Variants in SLC10A4 observed in about 807,000 individuals in gnomAD.
SLC10A4 encodes the protein solute carrier family 10 member 4, also known as putative sodium/bile acid cotransporter 4.
Under a neutral mutation model 22.5 loss-of-function variants are expected in SLC10A4, and 17 were observed. The ratio of observed to expected loss-of-function variants is 0.76; its 90% CI spans 0.52 to 1.14. SLC10A4 has a LOEUF of 1.14. Among genes scored for constraint, SLC10A4 ranks in the 50% most tolerant of loss-of-function variants. The pLI, the probability that SLC10A4 is intolerant of heterozygous loss-of-function variation, is 0.00. For synonymous variants in SLC10A4, 257 were observed against 258.2 expected, an observed-to-expected ratio of 1.00 and a Z score of 0.04; for missense variants, 548 against 584.0, an observed-to-expected ratio of 0.94 and a Z score of 0.64.
intron 2 of SLC10A4, among the ~76,000 whole-genome samples, chr4:48,487,729 G>T (rs1283028038): frequency 1.5e-5 from 2 of 137,440 alleles, no homozygotes; most frequent in African/African-American, 5.4e-5. Flanking sequence ...CAGTTTTTAA[G>T]CTTTTGAAGA....
At chr4:48,487,303 A>G (rs1169015630) in intron 2 of SLC10A4, among the ~76,000 whole-genome samples, 2 of 152,234 alleles carry the variant, frequency 1.3e-5, no homozygotes, top group Non-Finnish European at 2.9e-5. Context: ...GCCAAATTGC[A>G]AAGAATTCTT....
intron 2 of SLC10A4, among the ~76,000 whole-genome samples, chr4:48,487,439 T>C (rs1312577621): frequency 4.6e-5 from 7 of 152,244 alleles, no homozygotes; most frequent in Admixed American, 6.5e-5. Flanking sequence ...TTCAGACATT[T>C]TAATCAAGTT....
chr4:48,485,744 C>T (rs945922055), intron 2 of SLC10A4, among the ~76,000 whole-genome samples: 1 of 152,052 alleles, frequency 6.6e-6, no homozygotes, highest in Non-Finnish European at 1.5e-5. Context: ...GTTATGTTGA[C>T]CTTACTAAAT....
In SLC10A4 at chr4:48,483,407, C is replaced by G; in HGVS notation, c.-155C>G. On this transcript the variant is annotated 5_prime_UTR_variant, in exon 1 of 3. Transcript: ENST00000273861. This position sits in a 1 kb window ranked among gnomAD's most constrained non-coding sequence, Gnocchi z 5.4. ...CGGCTGCAGACCTGGGAGCGGAGACCGGCCCGCCGCCCCCGACGCCGCCGA... is the reference window on the plus strand; with the variant it reads ...CGGCTGCAGACCTGGGAGCGGAGACGGGCCCGCCGCCCCCGACGCCGCCGA... The G allele has an allele frequency of 2.1e-6, 1 of 466,740 alleles. No individual in the cohort carries two copies. The highest frequency in any genetic ancestry group is 6.4e-5 in the South Asian group (1 of 15,658). The allele number at this position is 466,740 out of a possible 1,614,324, so 28.9% of individuals were successfully genotyped here.
In SLC10A4 at chr4:48,483,560, C is replaced by A; in HGVS notation, c.-2C>A. On this transcript the variant is annotated 5_prime_UTR_variant, in exon 1 of 3. Transcript: ENST00000273861. This position sits in a 1 kb window ranked among gnomAD's most constrained non-coding sequence, Gnocchi z 5.4. ...ACCGGAATCCGCAGCTCCGGCCGCGCCATGGACGGCAACGACAACGTGACC... is the reference window on the plus strand; with the variant it reads ...ACCGGAATCCGCAGCTCCGGCCGCGACATGGACGGCAACGACAACGTGACC... The A allele has an allele frequency of 6.7e-7, 1 of 1,499,620 alleles. No homozygotes were observed. The highest frequency in any genetic ancestry group is 8.9e-7 in the Non-Finnish European group (1 of 1,128,900). The allele number at this position is 1,499,620 out of a possible 1,614,324, so 92.9% of individuals were successfully genotyped here.
rs1349588063 is a variant in SLC10A4, at chr4:48,483,474, C to G, written c.-88C>G. 8.8e-7 allele frequency: 1 copy of G among 1,134,212 alleles called. No individual in the cohort carries two copies. Among genetic ancestry groups the G allele is most frequent in the Non-Finnish European group, 1.2e-6 (1 of 845,666 alleles). The allele number at this position is 1,134,212 out of a possible 1,614,324, so 70.3% of individuals were successfully genotyped here. ...CAGCCGGGGCTCGGAGACCGACGGG[C>G]AGAACGACGGGCGGCGACTGCGGCG... On this transcript the variant is annotated 5_prime_UTR_variant, in exon 1 of 3. Coordinates refer to ENST00000273861, the MANE Select transcript of SLC10A4 (RefSeq NM_152679.4). This position sits in a 1 kb window ranked among gnomAD's most constrained non-coding sequence, Gnocchi z 5.4.
chr4:48,486,866 T>A (rs1305224530), intron 2 of SLC10A4, among the ~76,000 whole-genome samples: 2 of 152,174 alleles, frequency 1.3e-5, no homozygotes, highest in Admixed American at 1.3e-4. Flanking sequence ...TATTGCAGCA[T>A]CCTCTAGGGT....
rs994361282 is a variant in SLC10A4, at chr4:48,489,463, A to G, written c.*524A>G. On this transcript the variant is annotated 3_prime_UTR_variant, in exon 3 of 3. Transcript: ENST00000273861. ...ACCAGTATCAGAGAAAAGTTACATT[A>G]ATGTATTTGATTACTTGATCTGGTA... Among the ~76,000 whole-genome samples, 17 of 152,384 alleles carry G rather than the reference A, an allele frequency of 1.1e-4. No homozygotes were observed. Among genetic ancestry groups the G allele is most frequent in the Middle Eastern group, 3.4e-3 (1 of 294 alleles).
At position 48,489,034 on chromosome 4, in the gene SLC10A4, G is replaced by A. The variant is rs1577769869; in HGVS notation, c.*95G>A. ...CATGGTTAACATAAAAGATAACACT[G>A]GTTCACATCATACATGTAACAATTC... On this transcript the variant is annotated 3_prime_UTR_variant, in exon 3 of 3. Coordinates refer to ENST00000273861, the MANE Select transcript of SLC10A4 (RefSeq NM_152679.4). The A allele has an allele frequency of 7.4e-7, 1 of 1,346,406 alleles. No homozygotes were observed. Among genetic ancestry groups the A allele is most frequent in the Non-Finnish European group, 1.0e-6 (1 of 986,558 alleles). 83.4% of individuals were successfully genotyped at this position (1,346,406 alleles called of 1,614,324 possible). A position where few individuals can be genotyped will look rare whatever the true frequency, so the allele number is the denominator to read the frequency against.
intron 1 of SLC10A4, among the ~76,000 whole-genome samples, 192 bp from the exon 2 acceptor site, chr4:48,484,740 T>A (rs1718250429): frequency 6.6e-6 from 1 of 152,066 alleles, no homozygotes. Flanking sequence ...CCTCCCTGCC[T>A]TGGGTTCATA....
At chr4:48,484,273 A>G (rs1577767214) in intron 1 of SLC10A4, 122 bp downstream of exon 1, 2 of 1,035,002 alleles carry the variant, frequency 1.9e-6, no homozygotes, top group South Asian at 2.0e-5. Flanking sequence ...GAAGGAGGAG[A>G]AAAGGAGAGG....
rs1359995519 is a variant in SLC10A4, at chr4:48,484,044, C to A, written c.483C>A (p.Phe161Leu). Residue 161 changes from phenylalanine to leucine, a missense_variant, in exon 1 of 3, where the codon TTC (phenylalanine) becomes TTA (leucine). Transcript: ENST00000273861. ...TGGCCTTCCTGCTGGCCCTCGCCTTCAAGCTGGACGAGGTGGCCGCCGTGG... is the reference window on the plus strand; with the variant it reads ...TGGCCTTCCTGCTGGCCCTCGCCTTAAAGCTGGACGAGGTGGCCGCCGTGG... ...PLLAFLLALAFKLDEVAAVAV... is the reference protein window; with the variant it reads ...PLLAFLLALALKLDEVAAVAV... 3 of 1,601,622 alleles carry A rather than the reference C, an allele frequency of 1.9e-6. No individual in the cohort carries two copies. The African/African-American group carries it at 4.0e-5, about 21-fold the overall frequency.
Position 48,488,464 on chromosome 4 carries a change from T to G in SLC10A4, c.839T>G (p.Leu280Arg), listed in dbSNP as rs375959188. The G allele has an allele frequency of 3.1e-6, 5 of 1,612,026 alleles. No homozygotes were observed. Among genetic ancestry groups the G allele is most frequent in the Non-Finnish European group, 4.2e-6 (5 of 1,178,940 alleles). The change falls in exon 3 of 3, where the codon CTT becomes CGT. Residue 280 changes from leucine (L) to arginine (R), a missense_variant. Leu to Arg is a moderately radical substitution (Grantham distance 102, BLOSUM62 -2). Coordinates refer to ENST00000273861, the MANE Select transcript of SLC10A4 (RefSeq NM_152679.4). ...TCTCTGCTAGTGACTCTGGTGGTCC[T>G]TTTCATAATGACCGGCACTATGTTA... ...LWSLLVTLVV[L>R]FIMTGTMLGP...
At chr4:48,485,271 A>C (rs1718264470) in intron 2 of SLC10A4, 129 bp downstream of exon 2, 2 of 885,142 alleles carry the variant, frequency 2.3e-6, no homozygotes, top group East Asian at 2.6e-5. Context: ...GCATGGATAA[A>C]ATTTTTTTTA....
In SLC10A4 at chr4:48,488,493, C is replaced by T; in HGVS notation, c.868C>T (p.Pro290Ser). The T allele has an allele frequency of 6.2e-7, 1 of 1,613,676 alleles. No homozygotes were observed. The highest frequency in any genetic ancestry group is 8.5e-7 in the Non-Finnish European group (1 of 1,179,936). Residue 290 changes from proline (P) to serine (S), a missense_variant, in exon 3 of 3, where the codon CCT becomes TCT. By Grantham distance (74) the Pro-to-Ser change is moderately conservative (BLOSUM62 -1). This residue lies in a region of SLC10A4 where 314 missense variants were observed against 353.2 expected (regional missense o/e 0.89). Coordinates refer to ENST00000273861, the MANE Select transcript of SLC10A4 (RefSeq NM_152679.4). ...LFIMTGTMLGPELLASIPAAV... is the reference protein window; with the variant it reads ...LFIMTGTMLGSELLASIPAAV... ...CATAATGACCGGCACTATGTTAGGA[C>T]CTGAACTGCTGGCAAGTATCCCTGC...
At position 48,489,084 on chromosome 4, in the gene SLC10A4, T is replaced by C; in HGVS notation, c.*145T>C. 1 of 960,538 alleles carries C rather than the reference T, an allele frequency of 1.0e-6. No homozygotes were observed. Among genetic ancestry groups the C allele is most frequent in the East Asian group, 2.7e-5 (1 of 37,152 alleles). 59.5% of individuals were successfully genotyped at this position (960,538 alleles called of 1,614,324 possible). Reference sequence around the variant, plus strand: ...CTGATCTTTTTAAGGTTCACTGGTGTATTAACCAAACGTTGTCACAAATTA... The same window carrying C: ...CTGATCTTTTTAAGGTTCACTGGTGCATTAACCAAACGTTGTCACAAATTA... On this transcript the variant is annotated 3_prime_UTR_variant, in exon 3 of 3. Coordinates refer to ENST00000273861, the MANE Select transcript of SLC10A4 (RefSeq NM_152679.4).
Position 48,483,997 on chromosome 4 carries a change from C to G in SLC10A4, c.436C>G (p.Gln146Glu). The change falls in exon 1 of 3, where the codon CAG becomes GAG. Residue 146 changes from glutamine to glutamate, a missense_variant. Physicochemically the swap from Gln to Glu is conservative, Grantham distance 29. Around this residue, in one of 3 missense-constraint regions of SLC10A4, gnomAD observed 314 missense variants for 353.2 expected, o/e 0.89. Coordinates refer to ENST00000273861, the MANE Select transcript of SLC10A4 (RefSeq NM_152679.4). The surrounding 1 kb of genome is among the most constrained non-coding windows in gnomAD (Gnocchi z 5.4). ...GGGCGCGCTGCTGGCAGCGCTCTGCCAGTTCGGCCTCCTGCCGCTGCTGGC... is the reference window on the plus strand; with the variant it reads ...GGGCGCGCTGCTGGCAGCGCTCTGCGAGTTCGGCCTCCTGCCGCTGCTGGC... ...PVGALLAALC[Q>E]FGLLPLLAFL... is the part of the protein sequence containing the mutation. The G allele has an allele frequency of 1.3e-6, 2 of 1,575,846 alleles. No individual in the cohort carries two copies. Among genetic ancestry groups the G allele is most frequent in the Non-Finnish European group, 1.7e-6 (2 of 1,164,332 alleles).
At position 48,483,574 on chromosome 4, in the gene SLC10A4, G is replaced by A; in HGVS notation, c.13G>A (p.Asp5Asn). 5 of 1,505,030 alleles carry A rather than the reference G, an allele frequency of 3.3e-6. No individual in the cohort carries two copies. Among genetic ancestry groups the A allele is most frequent in the Non-Finnish European group, 4.4e-6 (5 of 1,131,288 alleles). The allele number at this position is 1,505,030 out of a possible 1,614,324, so 93.2% of individuals were successfully genotyped here. A position where few individuals can be genotyped will look rare whatever the true frequency, so the allele number is the denominator to read the frequency against. MDGN[D>N]NVTLLFAPLL... is the part of the protein sequence containing the mutation. ...CTCCGGCCGCGCCATGGACGGCAAC[G>A]ACAACGTGACCCTGCTCTTCGCCCC... Residue 5 changes from aspartate (D) to asparagine (N), a missense_variant, in exon 1 of 3, where the codon GAC (aspartate) becomes AAC (asparagine). Physicochemically the swap from Asp to Asn is conservative, Grantham distance 23 (BLOSUM62 1). Transcript: ENST00000273861. The surrounding 1 kb of genome is among the most constrained non-coding windows in gnomAD (Gnocchi z 5.4).
chr4:48,486,000 C>A (rs773534543), intron 2 of SLC10A4, among the ~76,000 whole-genome samples: 1 of 152,100 alleles, frequency 6.6e-6, no homozygotes, highest in Admixed American at 6.5e-5. Context: ...AAAGAATAAA[C>A]CATGACCAGG....
Sources: allele counts gnomAD v4.1 joint callset (sites outside exome capture counted in the v4.1 genomes callset), GRCh38; gene constraint gnomAD v4.1.1; regional missense constraint gnomAD v4.1.1; non-coding constraint Gnocchi (gnomAD v3.1); transcripts MANE v1.5; gene names NCBI Gene and HGNC (gene_info 2026-07-23, HGNC 2026-07-21).